DMTF1: variants seen among roughly 807,000 people sequenced by gnomAD.
DMTF1 encodes cyclin D binding myb like transcription factor 1, also known as cyclin-D-binding Myb-like transcription factor 1.
A neutral mutation model predicts 91.1 loss-of-function variants in DMTF1; 39 were observed. The observed-to-expected ratio is 0.43, with a 90% CI of 0.33 to 0.56. The LOEUF (loss-of-function observed/expected upper bound fraction) is 0.56. Ranked by LOEUF, DMTF1 falls within the 20% of genes least tolerant of loss-of-function variation. The pLI is 0.05. For missense variants in DMTF1, 750 were observed against 914.5 expected (o/e 0.82, Z 2.32); for synonymous variants, 338 against 309.5 (o/e 1.09, Z -0.97).
At chr7:87,194,212 C>T (rs1800600093) in intron 16 of DMTF1, 110 bp downstream of exon 16, 3 of 1,193,270 alleles carry the variant, frequency 2.5e-6, no homozygotes, top group Non-Finnish European at 2.3e-6. Flanking sequence ...AACCCCCAAC[C>T]TCACACCTCA....
Position 87,173,327 on chromosome 7 carries a change from T to G in DMTF1, c.328-208T>G, listed in dbSNP as rs570413881. Among the ~76,000 whole-genome samples the G allele has an allele frequency of 6.0e-4, 92 of 152,298 alleles. 5 individuals carry two copies. The South Asian group carries it at 0.019, about 32-fold the overall frequency. Reference sequence around the variant, plus strand: ...TTGTGTTAATGCATATAATTTTGTTTTCATACTGCCATAATAAAAACAGCA... The same window carrying G: ...TTGTGTTAATGCATATAATTTTGTTGTCATACTGCCATAATAAAAACAGCA... On this transcript the variant is annotated intron_variant, in intron 5 of 17. Transcript: ENST00000331242.
At chr7:87,190,856 A>G in intron 13 of DMTF1, 89 bp from the exon 14 acceptor site, 1 of 1,051,764 alleles carries the variant, frequency 9.5e-7, no homozygotes, top group Non-Finnish European at 1.4e-6. Flanking sequence ...AATTGCCTTT[A>G]TGATAATTGA....
intron 1 of DMTF1, among the ~76,000 whole-genome samples, chr7:87,162,453 T>A (rs897891791): frequency 6.6e-6 from 1 of 152,170 alleles, no homozygotes; most frequent in South Asian, 2.1e-4. Flanking sequence ...AAGCAGGATA[T>A]AAAATTGCAC....
rs778376750 is a variant in DMTF1, at chr7:87,194,069, A to C, written c.1995A>C (p.Ser665=). ...ACACCGACCTTAAACAAGAGGAATC[A>C]CCCTCTGATTTAGCCAGTGCTTATG... is the stretch of plus-strand genomic sequence containing the variant. ...ISDTDLKQEE[S]PSDLASAYVT... Residue 665 remains serine, a synonymous_variant, in exon 16 of 18, where the codon TCA becomes TCC. Coordinates refer to ENST00000331242, the MANE Select transcript of DMTF1 (RefSeq NM_001142327.2). 2.9e-5 allele frequency: 47 copies of C among 1,607,704 alleles called. No individual in the cohort carries two copies. The highest frequency in any genetic ancestry group is 2.2e-4 in the Admixed American group (13 of 59,402).
chr7:87,184,856 C>T (rs1481849931), intron 11 of DMTF1: 4 of 629,356 alleles, frequency 6.4e-6, no homozygotes, highest in African/African-American at 1.8e-5. Flanking sequence ...AGATTGAAGG[C>T]GTGGAGACTG....
At chr7:87,162,082 T>C (rs2129059265) in intron 1 of DMTF1, among the ~76,000 whole-genome samples, 1 of 152,308 alleles carries the variant, frequency 6.6e-6, no homozygotes, top group Admixed American at 6.5e-5. Context: ...GTCATGCTTT[T>C]TATTGCAGCA....
intron 10 of DMTF1, 120 bp downstream of exon 10, chr7:87,182,457 T>C: frequency 6.0e-6 from 5 of 838,566 alleles, no homozygotes; most frequent in Non-Finnish European, 9.4e-6. Context: ...GTTCAGACTT[T>C]ATTTTCTAGT....
chr7:87,195,086 C>G lies in DMTF1; in HGVS notation c.2229C>G (p.Gly743=). ...CAAATATCATTGGATCATCCTTGGG[C>G]AGTCCTGTTTCAGAAGATTCAAAGG... The part of the protein sequence containing the change: ...EESNIIGSSL[G]SPVSEDSKDV... The change falls in exon 18 of 18, where the codon GGC becomes GGG. Residue 743 remains glycine (G), a synonymous_variant. Coordinates refer to ENST00000331242, the MANE Select transcript of DMTF1 (RefSeq NM_001142327.2). 1 of 1,612,304 alleles carries G rather than the reference C, an allele frequency of 6.2e-7. No homozygotes were observed. Among genetic ancestry groups the G allele is most frequent in the Non-Finnish European group, 8.5e-7 (1 of 1,178,930 alleles).
At chr7:87,158,485 C>T (rs984753781) in intron 1 of DMTF1, among the ~76,000 whole-genome samples, 1 of 151,954 alleles carries the variant, frequency 6.6e-6, no homozygotes, top group Non-Finnish European at 1.5e-5. Context: ...GAACAGAATG[C>T]TATCCTAAGT....
At chr7:87,152,727 C>T (rs1261476480) in intron 1 of DMTF1, 172 bp downstream of exon 1, 1 of 154,084 alleles carries the variant, frequency 6.5e-6, no homozygotes, top group Non-Finnish European at 1.5e-5. Context: ...CAGCTGCCGT[C>T]CCCGCACGTT....
In DMTF1 at chr7:87,171,060, G is replaced by A. The variant is rs1010395674; in HGVS notation, c.298G>A (p.Val100Ile). The change falls in exon 5 of 18, where the codon GTT becomes ATT. Residue 100 changes from valine to isoleucine, a missense_variant. Around this residue, in one of 3 missense-constraint regions of DMTF1, gnomAD observed 150 missense variants for 150.4 expected, o/e 1.00. Coordinates refer to ENST00000331242, the MANE Select transcript of DMTF1 (RefSeq NM_001142327.2). The part of the protein sequence containing the change: ...TATTEVADDE[V>I]TEGTVTQIQI... ...AACCACAGAAGTAGCAGATGATGAG[G>A]TTACTGAGGGGACTGTGACACAGAT... 9 of 1,611,448 alleles carry A rather than the reference G, an allele frequency of 5.6e-6. No homozygotes were observed. The African/African-American group carries it at 1.1e-4, about 19-fold the overall frequency.
At chr7:87,170,925 C>A in intron 4 of DMTF1, 70 bp from the exon 5 acceptor site, 1 of 1,009,204 alleles carries the variant, frequency 9.9e-7, no homozygotes, top group Non-Finnish European at 1.5e-6. Flanking sequence ...TTTTTTTTCC[C>A]ATGGATATTT....
chr7:87,194,841 A>G lies in DMTF1; in HGVS notation c.2173+13A>G. On this transcript the variant is annotated intron_variant, in intron 17 of 17. Coordinates refer to ENST00000331242, the MANE Select transcript of DMTF1 (RefSeq NM_001142327.2). ...ACAACACTAACAGGTACTGTAATAT[A>G]ATACTTACTATGTGCCTGATAAATT... is the stretch of plus-strand genomic sequence containing the variant. The G allele has an allele frequency of 1.3e-6, 2 of 1,593,818 alleles. No homozygotes were observed.
rs1797953373 is a variant in DMTF1, at chr7:87,184,224, GC to G, written c.821-172del. ...TCTTTTCTACTGAGACCCTTACTGG[GC>G]TAGTAAAATGAAACTGTCTTAGTGG... On this transcript the variant is annotated intron_variant, in intron 10 of 17. Transcript: ENST00000331242. Among the ~76,000 whole-genome samples the G allele has an allele frequency of 2.0e-5, 3 of 152,264 alleles. No homozygotes were observed. The South Asian group carries it at 6.2e-4, about 32-fold the overall frequency.
rs192088941 is a variant in DMTF1 at position 87,154,718 on chromosome 7, G to C, written c.-132+2163G>C. Among the ~76,000 whole-genome samples the C allele has an allele frequency of 3.9e-5, 6 of 152,268 alleles. No homozygotes were observed. In the East Asian group the frequency reaches 1.2e-3, roughly 29 times the overall value. On this transcript the variant is annotated intron_variant, in intron 1 of 17. Coordinates refer to ENST00000331242, the MANE Select transcript of DMTF1 (RefSeq NM_001142327.2). ...CATGGTTGGGAAATGTTTACTGGTG[G>C]AGACTCATATCAAAAGTAGATAGCT...
chr7:87,185,472 A>G (rs186733932), intron 11 of DMTF1, among the ~76,000 whole-genome samples: 1 of 152,328 alleles, frequency 6.6e-6, no homozygotes, highest in African/African-American at 2.4e-5. Context: ...CAGGAAGTAA[A>G]TGACTTAGTA....
intron 1 of DMTF1, among the ~76,000 whole-genome samples, chr7:87,161,705 C>G (rs896642391): frequency 1.3e-5 from 2 of 152,176 alleles, no homozygotes; most frequent in Admixed American, 1.3e-4. Flanking sequence ...TGTTCTTTTT[C>G]TCAACGTTGT....
chr7:87,179,516 C>T, intron 7 of DMTF1, 29 bp from the exon 8 acceptor site: 3 of 1,470,122 alleles, frequency 2.0e-6, no homozygotes, highest in South Asian at 1.6e-5. Context: ...ATCAGAAATC[C>T]CTAAATCAAA....
chr7:87,166,691 G>A, intron 4 of DMTF1, 86 bp downstream of exon 4: 3 of 1,325,768 alleles, frequency 2.3e-6, no homozygotes, highest in South Asian at 2.5e-5. Flanking sequence ...ATTTCTAATA[G>A]ACTTGGACTT....
Sources: allele counts gnomAD v4.1 joint callset (sites outside exome capture counted in the v4.1 genomes callset), GRCh38; gene constraint gnomAD v4.1.1; regional missense constraint gnomAD v4.1.1; transcripts MANE v1.5; gene names NCBI Gene and HGNC (gene_info 2026-07-23, HGNC 2026-07-21).